ABRAXAS2: variants seen among roughly 807,000 people sequenced by gnomAD.
ABRAXAS2 encodes the protein abraxas 2, BRISC complex subunit, also known as BRISC complex subunit Abraxas 2.
A neutral mutation model predicts 49.0 loss-of-function variants in ABRAXAS2; 23 were observed. That is an observed-to-expected ratio of 0.47 (90% CI 0.34 to 0.66). The LOEUF (loss-of-function observed/expected upper bound fraction) is 0.66. ABRAXAS2 is among the 30% of genes least tolerant of loss of function. The probability of loss-of-function intolerance (pLI) is 0.01; values close to 1 mark genes in which losing one functional copy is unlikely to be tolerated. For missense variants in ABRAXAS2, 443 were observed against 511.9 expected (o/e 0.87, Z 1.30); for synonymous variants, 168 against 180.2 (o/e 0.93, Z 0.54).
At chr10:124,802,814 A>G (rs1397129307) in intron 1 of ABRAXAS2, among the ~76,000 whole-genome samples, 1 of 152,204 alleles carries the variant, frequency 6.6e-6, no homozygotes, top group Non-Finnish European at 1.5e-5. Context: ...ACAAAGCAAA[A>G]TGGTACACTG....
At chr10:124,819,735 C>T (rs911165495) in intron 4 of ABRAXAS2, among the ~76,000 whole-genome samples, 54 of 151,258 alleles carry the variant, frequency 3.6e-4, no homozygotes, top group African/African-American at 1.2e-3. Flanking sequence ...GATTGCACCA[C>T]TGCACTCCAG....
chr10:124,818,946 C>G (rs1275025013), intron 3 of ABRAXAS2, among the ~76,000 whole-genome samples: 3 of 152,158 alleles, frequency 2.0e-5, no homozygotes, highest in African/African-American at 7.2e-5. Flanking sequence ...AGCACTGAGG[C>G]AAGAATGGAA....
At chr10:124,807,818 C>T (rs531913463) in intron 2 of ABRAXAS2, among the ~76,000 whole-genome samples, 2 of 152,276 alleles carry the variant, frequency 1.3e-5, no homozygotes, top group African/African-American at 2.4e-5. Flanking sequence ...CACCATGAAC[C>T]TCAAGTTTGC....
chr10:124,816,523 T>C (rs759640208), intron 2 of ABRAXAS2, 53 bp from the exon 3 acceptor site: 27 of 1,292,728 alleles, frequency 2.1e-5, no homozygotes, highest in Non-Finnish European at 2.9e-5. Flanking sequence ...TATTTTATAG[T>C]TGCCTATGTC....
At chr10:124,821,294 C>T (rs1224787054) in intron 4 of ABRAXAS2, among the ~76,000 whole-genome samples, 2 of 149,564 alleles carry the variant, frequency 1.3e-5, no homozygotes, top group Non-Finnish European at 1.5e-5. Flanking sequence ...CGGCTGGGTG[C>T]GGTGGCTCAT....
At chr10:124,814,470 G>A (rs11592247) in intron 2 of ABRAXAS2, among the ~76,000 whole-genome samples, 7,663 of 151,524 alleles carry the variant, frequency 0.051, 622 homozygotes, top group African/African-American at 0.17. Flanking sequence ...CCACACCTCA[G>A]CCTCCCAAGT....
At chr10:124,828,968 CA>C in intron 6 of ABRAXAS2, 93 bp downstream of exon 6, 1 of 1,288,688 alleles carries the variant, frequency 7.8e-7, no homozygotes, top group African/African-American at 1.5e-5. Flanking sequence ...AATGTAAAAC[CA>C]AGTTTGATAT....
In ABRAXAS2 at chr10:124,826,676, A is replaced by T. The variant is rs181833050; in HGVS notation, c.349A>T (p.Thr117Ser). 6 of 1,614,204 alleles carry T rather than the reference A, an allele frequency of 3.7e-6. No homozygotes were observed. In the African/African-American group the frequency reaches 6.7e-5, roughly 18 times the overall value. The change falls in exon 5 of 9, where the codon ACC becomes TCC. Residue 117 changes from threonine to serine, a missense_variant. Coordinates refer to ENST00000298492, the MANE Select transcript of ABRAXAS2 (RefSeq NM_032182.4). ...AGAGCAGGTTCTTCACAAGCAGCTC[A>T]CCCGCATCCTCGGCGTGCCCGACCT... ...YREQVLHKQL[T>S]RILGVPDLVF...
At chr10:124,821,916 G>C (rs929146529) in intron 4 of ABRAXAS2, among the ~76,000 whole-genome samples, 22 of 152,318 alleles carry the variant, frequency 1.4e-4, no homozygotes, top group African/African-American at 5.3e-4. Flanking sequence ...ACTCTGTGTG[G>C]GGGCATGTTC....
At chr10:124,812,414 G>A (rs915654525) in intron 2 of ABRAXAS2, among the ~76,000 whole-genome samples, 2 of 152,168 alleles carry the variant, frequency 1.3e-5, no homozygotes, top group African/African-American at 4.8e-5. Flanking sequence ...AAAGGCCGTG[G>A]TAGGAGGATT....
At chr10:124,812,085 TA>T (rs1343727320) in intron 2 of ABRAXAS2, among the ~76,000 whole-genome samples, 1 of 152,144 alleles carries the variant, frequency 6.6e-6, no homozygotes, top group Non-Finnish European at 1.5e-5. Context: ...CCCAAATAAT[TA>T]AAATTCTATA....
At chr10:124,822,614 A>C (rs1321586212) in intron 4 of ABRAXAS2, among the ~76,000 whole-genome samples, 5 of 152,116 alleles carry the variant, frequency 3.3e-5, no homozygotes, top group African/African-American at 9.7e-5. Context: ...CTGACATGGC[A>C]AAACCCTGTC....
At chr10:124,816,452 T>C (rs551773399) in intron 2 of ABRAXAS2, 124 bp from the exon 3 acceptor site, 12 of 669,518 alleles carry the variant, frequency 1.8e-5, no homozygotes, top group East Asian at 7.6e-5. Flanking sequence ...AGCAACTGTT[T>C]GGCAGAGGGA....
rs186803856 is a variant in ABRAXAS2 at position 124,821,054 on chromosome 10, C to T, written c.267+1604C>T. 4.7e-4 allele frequency among the ~76,000 whole-genome samples: 72 copies of T among 151,934 alleles called. 1 individual carries two copies. In the East Asian group the frequency reaches 0.011, roughly 22 times the overall value. ...TCAGCCCCCCAAGTAGCTGCAACTA[C>T]AGGTATGCACCACCACACCTGGCTA... On this transcript the variant is annotated intron_variant, in intron 4 of 8. Transcript: ENST00000298492.
At chr10:124,813,187 C>T (rs1336682333) in intron 2 of ABRAXAS2, among the ~76,000 whole-genome samples, 8 of 152,060 alleles carry the variant, frequency 5.3e-5, no homozygotes, top group South Asian at 2.1e-4. Flanking sequence ...GGCGACAAAG[C>T]GAGACTCCAT....
intron 1 of ABRAXAS2, among the ~76,000 whole-genome samples, chr10:124,804,505 T>C (rs1195005157): frequency 6.6e-6 from 1 of 152,152 alleles, no homozygotes; most frequent in African/African-American, 2.4e-5. Flanking sequence ...TTTTTCACTT[T>C]GATTTTTTGA....
chr10:124,826,630 G>T lies in ABRAXAS2; in HGVS notation c.303G>T (p.Thr101=), dbSNP rs749729982. The part of the protein sequence containing the change: ...VIGWYRFRRN[T]QQQMSYREQV... ...GGTGGTACAGATTCCGGCGCAATACGCAGCAGCAGATGTCCTACAGAGAGC... is the reference window on the plus strand; with the variant it reads ...GGTGGTACAGATTCCGGCGCAATACTCAGCAGCAGATGTCCTACAGAGAGC... The change falls in exon 5 of 9, where the codon ACG becomes ACT. Residue 101 remains threonine (T), a synonymous_variant. Coordinates refer to ENST00000298492, the MANE Select transcript of ABRAXAS2 (RefSeq NM_032182.4). 6.2e-7 allele frequency: 1 copy of T among 1,614,094 alleles called. No homozygotes were observed. Among genetic ancestry groups the T allele is most frequent in the Non-Finnish European group, 8.5e-7 (1 of 1,179,988 alleles).
At chr10:124,831,134 A>G (rs1227409900) in intron 7 of ABRAXAS2, among the ~76,000 whole-genome samples, 1 of 152,272 alleles carries the variant, frequency 6.6e-6, no homozygotes, top group Non-Finnish European at 1.5e-5. Context: ...AAGAATTTAT[A>G]AGCTAAATAG....
At chr10:124,831,775 G>T (rs190591223) in intron 8 of ABRAXAS2, among the ~76,000 whole-genome samples, 19 of 149,642 alleles carry the variant, frequency 1.3e-4, no homozygotes, top group East Asian at 1.2e-3. Context: ...CCTAGTTACA[G>T]TGAATGTGGT....
Sources: gnomAD v4.1 joint callset for allele counts (sites outside exome capture counted in the v4.1 genomes callset) on GRCh38, gnomAD v4.1.1 for gene constraint, MANE v1.5 for transcripts, NCBI Gene and HGNC (gene_info 2026-07-23, HGNC 2026-07-21) for gene names.